The following MSRA variants were observed in gnomAD, a reference collection of about 807,000 sequenced individuals.
The protein encoded by MSRA is methionine sulfoxide reductase A.
In MSRA, 54 loss-of-function variants were observed where a neutral mutation model predicts 31.3. That is an observed-to-expected ratio of 1.73 (90% CI 1.39 to 2.17). The LOEUF is 2.17. MSRA is among the 30% of genes most tolerant of loss of function. The pLI is 0.00. For missense variants in MSRA, 507 were observed against 300.9 expected (o/e 1.69, Z -5.07); for synonymous variants, 169 against 116.5 (o/e 1.45, Z -2.90).
intron 5 of MSRA, among the ~76,000 whole-genome samples, chr8:10,330,731 C>T (rs1238856964): frequency 1.3e-5 from 2 of 152,222 alleles, no homozygotes; most frequent in African/African-American, 4.8e-5. Context: ...GGCTTCCATT[C>T]ACCTGTGTGT....
chr8:10,181,960 AT>A (rs962213367), intron 1 of MSRA, among the ~76,000 whole-genome samples: 1 of 151,524 alleles, frequency 6.6e-6, no homozygotes, highest in Admixed American at 6.6e-5. Context: ...TAAGTAAGAA[AT>A]TTTTTTTTCT....
intron 2 of MSRA, among the ~76,000 whole-genome samples, chr8:10,228,583 G>A (rs1811197574): frequency 6.6e-6 from 1 of 152,200 alleles, no homozygotes; most frequent in Non-Finnish European, 1.5e-5. Flanking sequence ...TTGCTTGCAG[G>A]CATCCGTAGT....
chr8:10,379,093 C>G (rs1805910075), intron 5 of MSRA, among the ~76,000 whole-genome samples: 1 of 152,144 alleles, frequency 6.6e-6, no homozygotes, highest in African/African-American at 2.4e-5. Context: ...TCATATTTGT[C>G]ATTTTCATTG....
intron 1 of MSRA, among the ~76,000 whole-genome samples, chr8:10,100,125 T>G (rs1384988308): frequency 6.6e-6 from 1 of 152,160 alleles, no homozygotes; most frequent in East Asian, 1.9e-4. Context: ...GATCCTGGGT[T>G]AGACTGCAAT....
At chr8:10,368,412 T>C (rs1057274742) in intron 5 of MSRA, among the ~76,000 whole-genome samples, 4 of 152,218 alleles carry the variant, frequency 2.6e-5, no homozygotes, top group African/African-American at 9.6e-5. Flanking sequence ...TGTCTTCCTT[T>C]GCAAAATCAG....
intron 3 of MSRA, among the ~76,000 whole-genome samples, chr8:10,278,014 C>G (rs1282806653): frequency 6.6e-6 from 1 of 151,962 alleles, no homozygotes; most frequent in African/African-American, 2.4e-5. Flanking sequence ...CCATTTTTTC[C>G]CTTCATTTTG....
At chr8:10,130,887 GT>G (rs1801845277) in intron 1 of MSRA, among the ~76,000 whole-genome samples, 1 of 152,154 alleles carries the variant, frequency 6.6e-6, no homozygotes, top group Admixed American at 6.5e-5. Flanking sequence ...GCCTTCTCAG[GT>G]TTTAGATGCC....
intron 1 of MSRA, among the ~76,000 whole-genome samples, chr8:10,121,833 A>G (rs1192729194): frequency 1.7e-5 from 2 of 116,302 alleles, no homozygotes; most frequent in South Asian, 3.2e-4. Context: ...ACCATACGCA[A>G]CTAATTTTTA....
chr8:10,140,219 G>C (rs1802592103), intron 1 of MSRA, among the ~76,000 whole-genome samples: 1 of 152,180 alleles, frequency 6.6e-6, no homozygotes. Flanking sequence ...CTGTGTCCCT[G>C]TGTATTCATA....
chr8:10,184,603 G>A (rs1431332771), intron 1 of MSRA, among the ~76,000 whole-genome samples: 2 of 151,970 alleles, frequency 1.3e-5, no homozygotes, highest in African/African-American at 2.4e-5. Context: ...AAGGATGAAG[G>A]CATATTAAAA....
intron 3 of MSRA, 89 bp downstream of exon 3, chr8:10,245,312 T>C (rs1797566146): frequency 8.1e-7 from 1 of 1,228,900 alleles, no homozygotes; most frequent in Non-Finnish European, 1.1e-6. Flanking sequence ...AAAATGGAAA[T>C]ATGTTTTTTT....
At chr8:10,287,226 A>T (rs1413142120) in intron 3 of MSRA, among the ~76,000 whole-genome samples, 1 of 152,164 alleles carries the variant, frequency 6.6e-6, no homozygotes, top group Non-Finnish European at 1.5e-5. Context: ...CATTAGCTCC[A>T]ATGTTTATGG....
rs186810999 is a variant in MSRA, at chr8:10,291,485, G to A, written c.332-10049G>A. ...CAAATCCTATAATGAACTCCACAGG[G>A]CATCCAATTTTGATGTATTAGGATT... On this transcript the variant is annotated intron_variant, in intron 3 of 5. Transcript: ENST00000317173. Among the ~76,000 whole-genome samples, 473 of 148,128 alleles carry A rather than the reference G, an allele frequency of 3.2e-3. 3 individuals carry two copies. Among genetic ancestry groups the A allele is most frequent in the Admixed American group, 3.8e-3 (58 of 15,102 alleles).
intron 5 of MSRA, among the ~76,000 whole-genome samples, chr8:10,377,106 C>T (rs1157754109): frequency 6.6e-6 from 1 of 152,250 alleles, no homozygotes; most frequent in Non-Finnish European, 1.5e-5. Flanking sequence ...TCACGTTATG[C>T]AGCTGGGTAG....
chr8:10,281,779 G>A (rs1799636211), intron 3 of MSRA, among the ~76,000 whole-genome samples: 1 of 152,174 alleles, frequency 6.6e-6, no homozygotes, highest in Non-Finnish European at 1.5e-5. Context: ...GTAGCAGCCT[G>A]CTTTGTAAAG....
intron 1 of MSRA, among the ~76,000 whole-genome samples, chr8:10,183,128 C>T (rs745429952): frequency 6.6e-6 from 1 of 152,146 alleles, no homozygotes; most frequent in Non-Finnish European, 1.5e-5. Context: ...TATCTTAAAT[C>T]TTGACTTTGT....
At position 10,184,663 on chromosome 8, in the gene MSRA, T is replaced by A. The variant is rs187633063; in HGVS notation, c.143-23170T>A. Among the ~76,000 whole-genome samples the A allele has an allele frequency of 2.0e-5, 3 of 152,280 alleles. No individual in the cohort carries two copies. The East Asian group carries it at 5.8e-4, about 29-fold the overall frequency. On this transcript the variant is annotated intron_variant, in intron 1 of 5. Coordinates refer to ENST00000317173, the MANE Select transcript of MSRA (RefSeq NM_012331.5). ...ATGCATTCAGCTTGCCTCGTCCATC[T>A]CCCCATTTGTTTTCACTGATCTACT...
intron 5 of MSRA, among the ~76,000 whole-genome samples, chr8:10,386,501 C>A (rs900264454): frequency 6.6e-6 from 1 of 152,128 alleles, no homozygotes; most frequent in African/African-American, 2.4e-5. Context: ...ATTTCAAGGC[C>A]GTGAACCTTC....
chr8:10,136,136 T>A (rs1219223548), intron 1 of MSRA, among the ~76,000 whole-genome samples: 1 of 152,158 alleles, frequency 6.6e-6, no homozygotes. Context: ...GGGCTGTAAC[T>A]TAGAAGTCAA....
Sources: allele counts gnomAD v4.1 joint callset (sites outside exome capture counted in the v4.1 genomes callset), GRCh38; gene constraint gnomAD v4.1.1; transcripts MANE v1.5; gene names NCBI Gene and HGNC (gene_info 2026-07-23, HGNC 2026-07-21).